The following ACSL4 variants were observed in gnomAD, a reference collection of about 807,000 sequenced individuals.
The protein encoded by ACSL4 is long-chain-fatty-acid--CoA ligase 4.
A neutral mutation model predicts 49.1 loss-of-function variants in ACSL4; 9 were observed. The observed-to-expected ratio is 0.18, with a 90% CI of 0.11 to 0.32. ACSL4 has a LOEUF of 0.32. ACSL4 is among the 10% of genes least tolerant of loss of function. ACSL4 has a pLI of 1.00. For synonymous variants in ACSL4, 191 were observed against 170.3 expected (o/e 1.12, Z -0.95); for missense variants, 333 against 493.7 (o/e 0.67, Z 3.08).
intron 2 of ACSL4, among the ~76,000 whole-genome samples, chrX:109,694,141 A>T (rs1330441949): frequency 8.9e-6 from 1 of 112,219 alleles, no homozygotes; most frequent in East Asian, 2.8e-4. Flanking sequence ...TGCTGATACA[A>T]ATCTTTGGCC....
At chrX:109,728,798 T>G (rs747894933) in intron 1 of ACSL4, among the ~76,000 whole-genome samples, 1 of 112,417 alleles carries the variant, frequency 8.9e-6, no homozygotes, top group South Asian at 3.6e-4. Flanking sequence ...ATTAATAAAC[T>G]GGACCTCATC....
Position 109,669,319 on chromosome X carries a change from T to C in ACSL4, c.1003-146A>G, listed in dbSNP as rs767184784. On this transcript the variant is annotated intron_variant, in intron 9 of 15. Coordinates refer to ENST00000672401, the MANE Select transcript of ACSL4 (RefSeq NM_001318510.2). The stretch of plus-strand genomic sequence containing the variant: ...TAATTATGTAATTAATTTCACTGAC[T>C]ACTTGTTCACTACTTCAAAAAGACT... The C allele has an allele frequency of 6.0e-5, 26 of 435,746 alleles. 1 individual carries two copies. The highest frequency in any genetic ancestry group is 5.9e-4 in the African/African-American group (24 of 40,769). The allele number at this position is 435,746 out of a possible 1,213,427, so 35.9% of individuals were successfully genotyped here.
rs758053542 is a variant in ACSL4 at position 109,723,905 on chromosome X, C to T, written c.-66+9234G>A. ...TCTTGCCAATCTGTCTGGTGAAAAA[C>T]GGTTTACATTTCCCTAATAACCAGA... On this transcript the variant is annotated intron_variant, in intron 1 of 15. Transcript: ENST00000672401. Among the ~76,000 whole-genome samples, 14 of 112,255 alleles carry T rather than the reference C, an allele frequency of 1.2e-4. 3 individuals carry two copies. Among genetic ancestry groups the T allele is most frequent in the South Asian group, 1.1e-3 (3 of 2,725 alleles).
intron 2 of ACSL4, among the ~76,000 whole-genome samples, chrX:109,690,036 T>C (rs1924925251): frequency 8.9e-6 from 1 of 112,496 alleles, no homozygotes; most frequent in East Asian, 2.8e-4. Context: ...CACTTGTCCA[T>C]GTCAACATCC....
chrX:109,682,075 T>C (rs746391282), intron 4 of ACSL4, among the ~76,000 whole-genome samples: 12 of 112,167 alleles, frequency 1.1e-4, no homozygotes, highest in South Asian at 3.7e-4. Context: ...AAGTGGGTAA[T>C]GGGTACATAG....
chrX:109,678,200 T>C, intron 7 of ACSL4, 65 bp downstream of exon 7: 2 of 1,205,501 alleles, frequency 1.7e-6, no homozygotes, highest in East Asian at 5.9e-5. Context: ...TTAATATAGA[T>C]TGAGTTTAGA....
intron 14 of ACSL4, among the ~76,000 whole-genome samples, chrX:109,660,909 G>C (rs1409895830): frequency 9.0e-6 from 1 of 111,024 alleles, no homozygotes; most frequent in Non-Finnish European, 1.9e-5. Flanking sequence ...AAGTAGAATG[G>C]TGGTTCCCAG....
chrX:109,650,881 C>T (rs1050080370), intron 15 of ACSL4, among the ~76,000 whole-genome samples: 1 of 111,744 alleles, frequency 8.9e-6, no homozygotes, highest in Non-Finnish European at 1.9e-5. Flanking sequence ...TAAATACATA[C>T]AAGTTTATTA....
At chrX:109,644,703 T>C (rs1020542542) in intron 15 of ACSL4, among the ~76,000 whole-genome samples, 37 of 112,539 alleles carry the variant, frequency 3.3e-4, no homozygotes, top group Non-Finnish European at 6.2e-4. Flanking sequence ...CGAACAGCTC[T>C]GGTCTACAGC....
intron 1 of ACSL4, among the ~76,000 whole-genome samples, chrX:109,708,870 C>A (rs1342082788): frequency 3.6e-5 from 4 of 111,683 alleles, no homozygotes; most frequent in Non-Finnish European, 7.5e-5. Context: ...TTCCAAAATC[C>A]AAACACTTCT....
intron 8 of ACSL4, among the ~76,000 whole-genome samples, chrX:109,675,206 T>C (rs1260512273): frequency 1.8e-5 from 2 of 113,031 alleles, no homozygotes; most frequent in Non-Finnish European, 3.7e-5. Flanking sequence ...TCTCATGTCC[T>C]TCAGGTCGGA....
chrX:109,656,787 T>C lies in ACSL4; in HGVS notation c.1855+2567A>G, dbSNP rs1040113053. On this transcript the variant is annotated intron_variant, in intron 15 of 15. Transcript: ENST00000672401. ...CAGCCACCCACATGGAATCCCTCGT[T>C]GGGAAAAAAGAAAAAAAAAAAGCCT... Among the ~76,000 whole-genome samples the C allele has an allele frequency of 3.7e-5, 4 of 109,491 alleles. No homozygotes were observed. In the South Asian group the frequency reaches 1.5e-3, roughly 42 times the overall value.
Position 109,682,828 on chromosome X carries a change from A to G in ACSL4, c.297T>C (p.Ser99=). Residue 99 remains serine (S), a synonymous_variant, in exon 4 of 16, where the codon AGT becomes AGC. Coordinates refer to ENST00000672401, the MANE Select transcript of ACSL4 (RefSeq NM_001318510.2). ...EVNRRVNNFG[S]GLTALGLKPK... ...GTTTTAGTCCCAGTGCAGTGAGTCCACTACCAAAGTTATTCACTCTGCGAT... is the reference window on the plus strand; with the variant it reads ...GTTTTAGTCCCAGTGCAGTGAGTCCGCTACCAAAGTTATTCACTCTGCGAT... 2 of 1,211,525 alleles carry G rather than the reference A, an allele frequency of 1.7e-6. No individual in the cohort carries two copies. Among genetic ancestry groups the G allele is most frequent in the Non-Finnish European group, 2.2e-6 (2 of 895,084 alleles).
At position 109,682,765 on chromosome X, in the gene ACSL4, G is replaced by A. The variant is rs139907452; in HGVS notation, c.360C>T (p.Ala120=). 31 of 1,209,783 alleles carry A rather than the reference G, an allele frequency of 2.6e-5. No homozygotes were observed. The African/African-American group carries it at 4.0e-4, about 16-fold the overall frequency. ...NTIAIFCETR[A]EWMIAAQTCF... is the part of the protein sequence containing the mutation. ...AGGTCTGTGCTGCAATCATCCATTC[G>A]GCCCTGGTCTCACAGAAGATGGCAA... Residue 120 remains alanine (A), a synonymous_variant, in exon 4 of 16, where the codon GCC becomes GCT. Coordinates refer to ENST00000672401, the MANE Select transcript of ACSL4 (RefSeq NM_001318510.2).
chrX:109,703,119 C>A, intron 1 of ACSL4, among the ~76,000 whole-genome samples: 1 of 111,716 alleles, frequency 9.0e-6, no homozygotes, highest in East Asian at 2.8e-4. Flanking sequence ...TACTTCATTG[C>A]AAAGGGGAAA....
intron 1 of ACSL4, among the ~76,000 whole-genome samples, chrX:109,732,152 C>T (rs1928507701): frequency 8.9e-6 from 1 of 112,147 alleles, no homozygotes. Context: ...ACTGATAAAG[C>T]AAACCGCTTA....
intron 6 of ACSL4, among the ~76,000 whole-genome samples, chrX:109,679,474 T>C (rs910317643): frequency 3.6e-5 from 4 of 112,646 alleles, no homozygotes; most frequent in African/African-American, 1.3e-4. Flanking sequence ...CAGTGAGCTA[T>C]ACCACTGAAA....
chrX:109,703,932 T>A (rs1173026115), intron 1 of ACSL4, among the ~76,000 whole-genome samples: 1 of 110,941 alleles, frequency 9.0e-6, no homozygotes, highest in Non-Finnish European at 1.9e-5. Context: ...AAAAAAAAAA[T>A]TCACTATGTC....
At chrX:109,658,407 G>A (rs1234889762) in intron 15 of ACSL4, among the ~76,000 whole-genome samples, 1 of 111,257 alleles carries the variant, frequency 9.0e-6, no homozygotes, top group Non-Finnish European at 1.9e-5. Flanking sequence ...ATGGCCTCCA[G>A]AGTGACTGCA....
Sources: gnomAD v4.1 joint callset for allele counts (sites outside exome capture counted in the v4.1 genomes callset) on GRCh38, gnomAD v4.1.1 for gene constraint, MANE v1.5 for transcripts, NCBI Gene and HGNC (gene_info 2026-07-23, HGNC 2026-07-21) for gene names.